The following CDYL2 variants were observed in gnomAD, a reference collection of about 807,000 sequenced individuals.
The protein encoded by CDYL2 is chromodomain Y-like protein 2.
In CDYL2, 23 loss-of-function variants were observed where a neutral mutation model predicts 49.4. That is an observed-to-expected ratio of 0.47 (90% CI 0.34 to 0.66). CDYL2 has a LOEUF of 0.66. Ranked by LOEUF, CDYL2 falls within the 30% of genes least tolerant of loss-of-function variation. CDYL2 has a pLI of 0.01. For missense variants in CDYL2, 678 were observed against 656.4 expected, an observed-to-expected ratio of 1.03 and a Z score of -0.36; for synonymous variants, 360 against 268.8, an observed-to-expected ratio of 1.34 and a Z score of -3.32.
chr16:80,802,424 A>G (rs752664450), intron 1 of CDYL2, among the ~76,000 whole-genome samples: 2 of 152,152 alleles, frequency 1.3e-5, no homozygotes, highest in Non-Finnish European at 2.9e-5. Flanking sequence ...ACTCAATCAA[A>G]CCTTCTATTT....
At chr16:80,687,982 G>A (rs1014676108) in intron 1 of CDYL2, among the ~76,000 whole-genome samples, 1 of 152,194 alleles carries the variant, frequency 6.6e-6, no homozygotes, top group Non-Finnish European at 1.5e-5. Context: ...TCCTCCATGG[G>A]AAGAAGAGAG....
At chr16:80,772,007 C>T (rs1906921643) in intron 1 of CDYL2, among the ~76,000 whole-genome samples, 1 of 152,230 alleles carries the variant, frequency 6.6e-6, no homozygotes, top group East Asian at 1.9e-4. Flanking sequence ...GAGCATTCCC[C>T]TAAACTGATG....
At chr16:80,672,348 C>CAGAGAG (rs1431192370) in intron 2 of CDYL2, among the ~76,000 whole-genome samples, 2 of 85,098 alleles carry the variant, frequency 2.4e-5, no homozygotes, top group African/African-American at 6.1e-5. Flanking sequence ...CACACACACA[C>CAGAGAG]ACACAGAGAG....
intron 1 of CDYL2, among the ~76,000 whole-genome samples, chr16:80,732,894 GAA>G (rs1194265270): frequency 6.6e-6 from 1 of 151,982 alleles, no homozygotes; most frequent in East Asian, 1.9e-4. Flanking sequence ...TTGATGAATG[GAA>G]AATACACACA....
intron 1 of CDYL2, among the ~76,000 whole-genome samples, chr16:80,716,168 C>G (rs887126574): frequency 1.3e-5 from 2 of 152,250 alleles, no homozygotes; most frequent in Admixed American, 6.5e-5. Flanking sequence ...ATTCTTATCT[C>G]AGCTCAAATA....
intron 1 of CDYL2, among the ~76,000 whole-genome samples, chr16:80,730,163 T>C (rs1191648514): frequency 6.6e-6 from 1 of 151,968 alleles, no homozygotes; most frequent in Non-Finnish European, 1.5e-5. Flanking sequence ...GAATCCAGGA[T>C]CTAGTTTTTT....
At chr16:80,610,551 G>C (rs1403131854) in intron 5 of CDYL2, among the ~76,000 whole-genome samples, 1 of 151,768 alleles carries the variant, frequency 6.6e-6, no homozygotes, top group Non-Finnish European at 1.5e-5. Context: ...TTCTTGGGCA[G>C]AGGTAGGGTG....
At chr16:80,655,248 G>A (rs1350936952) in intron 2 of CDYL2, among the ~76,000 whole-genome samples, 1 of 152,210 alleles carries the variant, frequency 6.6e-6, no homozygotes, top group Non-Finnish European at 1.5e-5. Context: ...CACAGAGATT[G>A]TAAATGGAAG....
intron 1 of CDYL2, among the ~76,000 whole-genome samples, chr16:80,728,939 C>A (rs1367617982): frequency 1.3e-5 from 2 of 151,466 alleles, no homozygotes; most frequent in Non-Finnish European, 2.9e-5. Context: ...CCTAAAAGAG[C>A]TCCTGAAGGA....
At chr16:80,764,775 C>T (rs1489683625) in intron 1 of CDYL2, among the ~76,000 whole-genome samples, 1 of 151,886 alleles carries the variant, frequency 6.6e-6, no homozygotes, top group East Asian at 1.9e-4. Flanking sequence ...GAATTTAGTT[C>T]CTCGGCTAGG....
At chr16:80,648,304 G>C (rs929074656) in intron 2 of CDYL2, among the ~76,000 whole-genome samples, 10 of 151,994 alleles carry the variant, frequency 6.6e-5, no homozygotes, top group Non-Finnish European at 1.0e-4. Context: ...TAATAACAGA[G>C]ATGAAAATGG....
Position 80,612,618 on chromosome 16 carries a change from AG to A in CDYL2, c.1218+7del, listed in dbSNP as rs756207015. 1 of 1,597,242 alleles carries A rather than the reference AG, an allele frequency of 6.3e-7. No homozygotes were observed. Among genetic ancestry groups the A allele is most frequent in the African/African-American group, 1.3e-5 (1 of 74,592 alleles). On this transcript the variant is annotated splice_region_variant and intron_variant, in intron 5 of 6. Coordinates refer to ENST00000570137, the MANE Select transcript of CDYL2 (RefSeq NM_152342.4). The surrounding 1 kb of genome is among the most constrained non-coding windows in gnomAD (Gnocchi z 5.0). ...GGGACCCGAATCCAGGTATCACAGG[AG>A]GCTTACCAGCGCGACGCCCAGGATC...
rs1905949559 is a variant in CDYL2 at position 80,598,777 on chromosome 16, T to C, written c.*5611A>G. ...TTCAATATGACAACGAATCCCTCTGTATGGCCAGCCAGGGGGAGCATGAGG... is the reference window on the plus strand; with the variant it reads ...TTCAATATGACAACGAATCCCTCTGCATGGCCAGCCAGGGGGAGCATGAGG... On this transcript the variant is annotated 3_prime_UTR_variant, in exon 7 of 7. Coordinates refer to ENST00000570137, the MANE Select transcript of CDYL2 (RefSeq NM_152342.4). 6.6e-6 allele frequency: 1 copy of C among 152,140 alleles called. No homozygotes were observed. The highest frequency in any genetic ancestry group is 2.1e-4 in the South Asian group (1 of 4,814). The allele number at this position is 152,140 out of a possible 1,614,324, so 9.4% of individuals were successfully genotyped here.
intron 1 of CDYL2, 114 bp from the exon 2 acceptor site, chr16:80,685,243 G>C (rs1910143876): frequency 1.3e-6 from 1 of 789,612 alleles, no homozygotes; most frequent in Non-Finnish European, 2.0e-6. Context: ...CCCTAGCCAG[G>C]GGGTGAGCCA....
intron 1 of CDYL2, among the ~76,000 whole-genome samples, chr16:80,766,183 C>A (rs1260991758): frequency 6.6e-6 from 1 of 151,828 alleles, no homozygotes; most frequent in East Asian, 1.9e-4. Context: ...ACGATAATGG[C>A]TGCACAACTC....
At chr16:80,608,684 T>A (rs899827675) in intron 5 of CDYL2, among the ~76,000 whole-genome samples, 4 of 152,116 alleles carry the variant, frequency 2.6e-5, no homozygotes, top group African/African-American at 9.7e-5. Flanking sequence ...GGTGGAAAAG[T>A]CTTTCTTCCT....
chr16:80,621,527 CAT>C (rs1295219878), intron 3 of CDYL2, among the ~76,000 whole-genome samples: 2 of 152,230 alleles, frequency 1.3e-5, no homozygotes, highest in Non-Finnish European at 2.9e-5. Flanking sequence ...GGACCTGAGC[CAT>C]GCTGGTTATT....
intron 5 of CDYL2, among the ~76,000 whole-genome samples, chr16:80,609,620 T>A (rs11866077): frequency 3.3e-5 from 5 of 152,106 alleles, no homozygotes; most frequent in Non-Finnish European, 5.9e-5. Context: ...CAAATGGCCA[T>A]ATCTGCTCCA....
chr16:80,759,122 A>ATATATATATATATATATATATATGTTT (rs1567597502), intron 1 of CDYL2, among the ~76,000 whole-genome samples: 1 of 127,854 alleles, frequency 7.8e-6, no homozygotes, highest in African/African-American at 3.3e-5. Flanking sequence ...ATATATATAT[A>ATATATATATATATATATATATATGTTT]TATATATATA....
Sources: allele counts gnomAD v4.1 joint callset (sites outside exome capture counted in the v4.1 genomes callset), GRCh38; gene constraint gnomAD v4.1.1; non-coding constraint Gnocchi (gnomAD v3.1); transcripts MANE v1.5; gene names NCBI Gene and HGNC (gene_info 2026-07-23, HGNC 2026-07-21).